Variants in MAP4K3 observed in about 807,000 individuals in gnomAD.
MAP4K3 encodes mitogen-activated protein kinase kinase kinase kinase 3.
Under a neutral mutation model 143.5 loss-of-function variants are expected in MAP4K3, and 94 were observed. That is an observed-to-expected ratio of 0.65 (90% CI 0.55 to 0.78). MAP4K3 has a LOEUF of 0.78. MAP4K3 is among the 30% of genes least tolerant of loss of function. The pLI, the probability that MAP4K3 is intolerant of heterozygous loss-of-function variation, is 0.00. For synonymous variants in MAP4K3, 416 were observed against 347.2 expected, an observed-to-expected ratio of 1.20 and a Z score of -2.20; for missense variants, 1,077 against 1,068.1, an observed-to-expected ratio of 1.01 and a Z score of -0.12.
intron 16 of MAP4K3, 67 bp from the exon 17 acceptor site, chr2:39,293,335 T>C: frequency 9.6e-7 from 1 of 1,043,232 alleles, no homozygotes; most frequent in Non-Finnish European, 1.4e-6. Context: ...GAATGTGTTT[T>C]TATCATTTTA....
chr2:39,426,376 T>C (rs894390558), intron 1 of MAP4K3, among the ~76,000 whole-genome samples: 1 of 152,144 alleles, frequency 6.6e-6, no homozygotes, highest in African/African-American at 2.4e-5. Context: ...GAAAATGCTA[T>C]AATAGACATT....
chr2:39,394,665 A>G (rs1666756418), intron 1 of MAP4K3, among the ~76,000 whole-genome samples: 1 of 152,172 alleles, frequency 6.6e-6, no homozygotes, highest in Admixed American at 6.5e-5. Flanking sequence ...ATAAGTTATA[A>G]AAGAGCTTGG....
chr2:39,360,452 T>G (rs1665735243), intron 2 of MAP4K3, among the ~76,000 whole-genome samples: 1 of 152,198 alleles, frequency 6.6e-6, no homozygotes, highest in Admixed American at 6.5e-5. Flanking sequence ...TTTTCTTTTC[T>G]TCTTCTGAGC....
chr2:39,369,085 C>T (rs1269902381), intron 2 of MAP4K3, among the ~76,000 whole-genome samples: 1 of 152,114 alleles, frequency 6.6e-6, no homozygotes, highest in East Asian at 1.9e-4. Context: ...CTCCCATCTG[C>T]CTGTGTACAC....
Position 39,299,750 on chromosome 2 carries a change from C to T in MAP4K3, c.1171G>A (p.Ala391Thr), listed in dbSNP as rs762784907. 3.2e-6 allele frequency: 5 copies of T among 1,561,728 alleles called. No homozygotes were observed. Among genetic ancestry groups the T allele is most frequent in the Middle Eastern group, 1.7e-4 (1 of 5,728 alleles). ...TAAAAGAACTTTACTTACTTGTTTG[C>T]ACCTAAAAAGTAACCACCTTGGTGT... Reference protein sequence around the residue: ...QGHQGGYFLGANKSLLKSVEE... With the variant: ...QGHQGGYFLGTNKSLLKSVEE... Residue 391 changes from alanine (A) to threonine (T), a missense_variant, in exon 16 of 34, where the codon GCA becomes ACA. Transcript: ENST00000263881.
intron 1 of MAP4K3, among the ~76,000 whole-genome samples, chr2:39,403,787 C>A (rs1324884042): frequency 6.6e-6 from 1 of 151,126 alleles, no homozygotes; most frequent in Non-Finnish European, 1.5e-5. Flanking sequence ...TGCCACCCCT[C>A]CCCTAACCCC....
rs778538597 is a variant in MAP4K3, at chr2:39,260,598, T to C, written c.2308+8A>G. On this transcript the variant is annotated splice_region_variant and intron_variant, in intron 29 of 33. Transcript: ENST00000263881. ...ATTACCCTTAATAATTCCATAAAAA[T>C]TACAAACCTGATTCTGTAAACCATG... 1.2e-6 allele frequency: 2 copies of C among 1,613,194 alleles called. No individual in the cohort carries two copies. The highest frequency in any genetic ancestry group is 1.3e-5 in the African/African-American group (1 of 75,000).
chr2:39,272,524 T>C lies in MAP4K3; in HGVS notation c.1813A>G (p.Thr605Ala), dbSNP rs147633728. 1 of 1,613,376 alleles carries C rather than the reference T, an allele frequency of 6.2e-7. No individual in the cohort carries two copies. Among genetic ancestry groups the C allele is most frequent in the Non-Finnish European group, 8.5e-7 (1 of 1,179,532 alleles). ...CAATTGTTCATTACATACAACCATG[T>C]ACACCTTCGAGGGAATAGCTGATTA... ...SMEQLFPRRCTWLYVMNNCLL... is the reference protein window; with the variant it reads ...SMEQLFPRRCAWLYVMNNCLL... Residue 605 changes from threonine (T) to alanine (A), a missense_variant, in exon 25 of 34, where the codon ACA becomes GCA. This residue lies in a region of MAP4K3 where 864 missense variants were observed against 801.2 expected (regional missense o/e 1.08). Transcript: ENST00000263881.
chr2:39,363,396 AGTGG>A (rs150837429), intron 2 of MAP4K3, among the ~76,000 whole-genome samples: 10,539 of 152,184 alleles, frequency 0.069, 1,233 homozygotes, highest in African/African-American at 0.24. Flanking sequence ...GGCTCGGCGC[AGTGG>A]CTCATGCCTG....
chr2:39,326,346 C>T, intron 8 of MAP4K3, 69 bp from the exon 9 acceptor site: 2 of 1,532,682 alleles, frequency 1.3e-6, no homozygotes, highest in African/African-American at 1.4e-5. Context: ...CACCCAGAGG[C>T]ACAAGGAATT....
chr2:39,300,299 G>T (rs994921492), intron 15 of MAP4K3, among the ~76,000 whole-genome samples: 1 of 152,124 alleles, frequency 6.6e-6, no homozygotes, highest in African/African-American at 2.4e-5. Context: ...AGTAAATTAC[G>T]TATATGAACT....
intron 15 of MAP4K3, among the ~76,000 whole-genome samples, chr2:39,306,929 T>G (rs1048270898): frequency 2.0e-5 from 3 of 152,262 alleles, no homozygotes; most frequent in Non-Finnish European, 2.9e-5. Context: ...TGGCAAAATG[T>G]TGGCAAGCCA....
At chr2:39,297,181 G>T (rs1365055186) in intron 16 of MAP4K3, among the ~76,000 whole-genome samples, 1 of 151,398 alleles carries the variant, frequency 6.6e-6, no homozygotes, top group Non-Finnish European at 1.5e-5. Flanking sequence ...GCAATGGCAC[G>T]ATCTCGGCTC....
At chr2:39,389,720 CAAA>C (rs1354434850) in intron 1 of MAP4K3, among the ~76,000 whole-genome samples, 1 of 152,102 alleles carries the variant, frequency 6.6e-6, no homozygotes, top group Non-Finnish European at 1.5e-5. Context: ...CACTTTCTAA[CAAA>C]CACCAAGGGC....
At chr2:39,375,161 A>C (rs1368607293) in intron 2 of MAP4K3, among the ~76,000 whole-genome samples, 1 of 152,120 alleles carries the variant, frequency 6.6e-6, no homozygotes, top group African/African-American at 2.4e-5. Context: ...TGGGAGACTG[A>C]GGTAGAAGTA....
chr2:39,325,526 C>T lies in MAP4K3; in HGVS notation c.910G>A (p.Asp304Asn). 1 of 1,608,936 alleles carries T rather than the reference C, an allele frequency of 6.2e-7. No homozygotes were observed. Among genetic ancestry groups the T allele is most frequent in the Non-Finnish European group, 8.5e-7 (1 of 1,176,604 alleles). The change falls in exon 12 of 34, where the codon GAT (aspartate) becomes AAT (asparagine). Residue 304 changes from aspartate (D) to asparagine (N), a missense_variant. Transcript: ENST00000263881. The part of the protein sequence containing the change: ...HSTYHDFDDD[D>N]PEPLVAVPHR... ...GTAAAAGCAATTCCTACCTCAGGAT[C>T]ATCATCATCGAAATCATGGTAAGTG... is the stretch of plus-strand genomic sequence containing the variant.
intron 18 of MAP4K3, among the ~76,000 whole-genome samples, chr2:39,292,378 T>C (rs1001261074): frequency 6.6e-6 from 1 of 152,158 alleles, no homozygotes; most frequent in African/African-American, 2.4e-5. Context: ...GGGATCCTAA[T>C]CCTATGGATT....
intron 1 of MAP4K3, among the ~76,000 whole-genome samples, chr2:39,405,772 G>A (rs1362453338): frequency 6.6e-6 from 1 of 152,114 alleles, no homozygotes; most frequent in Non-Finnish European, 1.5e-5. Context: ...GGAGGCTGAG[G>A]TGGGAGGATC....
chr2:39,365,813 GT>G lies in MAP4K3; in HGVS notation c.155-9475del, dbSNP rs1665907415. Among the ~76,000 whole-genome samples the G allele has an allele frequency of 2.0e-5, 3 of 152,264 alleles. No homozygotes were observed. The East Asian group carries it at 5.8e-4, about 29-fold the overall frequency. On this transcript the variant is annotated intron_variant, in intron 2 of 33. Coordinates refer to ENST00000263881, the MANE Select transcript of MAP4K3 (RefSeq NM_003618.4). ...GCTTAGACTACGAAAAATCAACAAG[GT>G]TTCTCATGCCATTGTTATGGGTATT...
Sources: gnomAD v4.1 joint callset for allele counts (sites outside exome capture counted in the v4.1 genomes callset) on GRCh38, gnomAD v4.1.1 for gene constraint, gnomAD v4.1.1 regional missense constraint, MANE v1.5 for transcripts, NCBI Gene and HGNC (gene_info 2026-07-23, HGNC 2026-07-21) for gene names.